HPSE2: variants seen among roughly 807,000 people sequenced by gnomAD.
The protein encoded by HPSE2 is heparanase 2 (inactive), also known as inactive heparanase-2.
In HPSE2, 38 loss-of-function variants were observed where a neutral mutation model predicts 60.5. The observed-to-expected ratio is 0.63, with a 90% CI of 0.48 to 0.82. The LOEUF is 0.82. Among genes scored for constraint, HPSE2 ranks in the 40% least tolerant of loss-of-function variants. The pLI is 0.00. For missense variants in HPSE2, 713 were observed against 740.4 expected (o/e 0.96, Z 0.43); for synonymous variants, 295 against 293.2 (o/e 1.01, Z -0.06).
intron 3 of HPSE2, among the ~76,000 whole-genome samples, chr10:98,960,725 TATTTTTTTTATTTTA>T (rs1955644919): frequency 2.2e-5 from 1 of 46,306 alleles, no homozygotes; most frequent in African/African-American, 1.0e-4. Flanking sequence ...TTTTTTGTTT[TATTTTTTTTATTTTA>T]TTTTTTTTTT....
At chr10:98,844,261 A>T (rs1162050480) in intron 3 of HPSE2, among the ~76,000 whole-genome samples, 1 of 152,192 alleles carries the variant, frequency 6.6e-6, no homozygotes, top group East Asian at 1.9e-4. Context: ...GCTTTGTCGG[A>T]AGGCATCCGT....
At chr10:99,238,988 G>A (rs374582466), upstream of HPSE2, among the ~76,000 whole-genome samples, 5 of 151,994 alleles carry the variant, frequency 3.3e-5, no homozygotes, top group East Asian at 3.9e-4. Context: ...GTGAAACCCC[G>A]TCTCTACTAA....
chr10:98,774,446 G>A (rs1950300407), intron 3 of HPSE2, among the ~76,000 whole-genome samples: 1 of 152,116 alleles, frequency 6.6e-6, no homozygotes, highest in Non-Finnish European at 1.5e-5. Context: ...TCTCTCTCTT[G>A]CTTCTTGGGA....
At chr10:99,134,301 G>A (rs1845559811) in intron 3 of HPSE2, among the ~76,000 whole-genome samples, 1 of 152,140 alleles carries the variant, frequency 6.6e-6, no homozygotes, top group Admixed American at 6.5e-5. Context: ...CACTCTTCGG[G>A]ATATTATCCA....
the HPSE2 span, among the ~76,000 whole-genome samples, chr10:99,270,238 C>T: frequency 6.6e-6 from 1 of 152,112 alleles, no homozygotes; most frequent in East Asian, 1.9e-4. Flanking sequence ...GCAAGGTTAA[C>T]CAAGACAAGA....
At chr10:98,666,561 A>G (rs990195135) in intron 6 of HPSE2, among the ~76,000 whole-genome samples, 1 of 152,248 alleles carries the variant, frequency 6.6e-6, no homozygotes, top group African/African-American at 2.4e-5. Context: ...AAATTTAAAA[A>G]AATCAAAATA....
chr10:99,241,559 C>G, the HPSE2 span, among the ~76,000 whole-genome samples: 1 of 152,132 alleles, frequency 6.6e-6, no homozygotes, highest in Non-Finnish European at 1.5e-5. Context: ...GAGTTTGAGA[C>G]CAACCTGAGC....
chr10:98,490,050 C>G lies in HPSE2; in HGVS notation c.1466+1G>C, dbSNP rs771817302. 4 of 1,614,028 alleles carry G rather than the reference C, an allele frequency of 2.5e-6. No homozygotes were observed. The highest frequency in any genetic ancestry group is 1.7e-5 in the Admixed American group (1 of 60,010). On this transcript the variant is annotated splice_donor_variant, in intron 10 of 11. Transcript: ENST00000370552. LOFTEE classifies it high-confidence loss of function. Reference sequence around the variant, plus strand: ...TTTCTGCCATCTTTCTGAGGACTTACTTGTGGTGGTTTGTGCAGTGAGCAT... The same window carrying G: ...TTTCTGCCATCTTTCTGAGGACTTAGTTGTGGTGGTTTGTGCAGTGAGCAT...
chr10:98,825,307 A>C (rs2134630136), intron 3 of HPSE2, among the ~76,000 whole-genome samples: 1 of 150,598 alleles, frequency 6.6e-6, no homozygotes, highest in East Asian at 2.0e-4. Flanking sequence ...GTGTAGAGCC[A>C]AAATGTGATA....
chr10:99,055,462 C>T (rs762377868), intron 3 of HPSE2, among the ~76,000 whole-genome samples: 4 of 152,050 alleles, frequency 2.6e-5, no homozygotes, highest in Non-Finnish European at 4.4e-5. Context: ...AATATAAAAG[C>T]CTCACGGATA....
At chr10:98,674,851 A>G (rs944003286) in intron 6 of HPSE2, among the ~76,000 whole-genome samples, 1 of 152,042 alleles carries the variant, frequency 6.6e-6, no homozygotes, top group African/African-American at 2.4e-5. Context: ...GAACCTGGGA[A>G]GTGGAGGCTG....
chr10:99,051,802 C>T (rs1957997482), intron 3 of HPSE2, among the ~76,000 whole-genome samples: 1 of 151,848 alleles, frequency 6.6e-6, no homozygotes, highest in Non-Finnish European at 1.5e-5. Context: ...AGTAGTAATG[C>T]CATAGGAGTA....
chr10:98,895,052 G>T (rs1953444928), intron 3 of HPSE2, among the ~76,000 whole-genome samples: 1 of 151,952 alleles, frequency 6.6e-6, no homozygotes, highest in Non-Finnish European at 1.5e-5. Context: ...TCAAAAATGA[G>T]AGTGAAACAA....
intron 4 of HPSE2, among the ~76,000 whole-genome samples, chr10:98,742,764 A>T (rs563211770): frequency 7.3e-6 from 1 of 137,096 alleles, no homozygotes; most frequent in Non-Finnish European, 1.5e-5. Context: ...ATGATAACTT[A>T]TGTTACACAT....
intron 3 of HPSE2, among the ~76,000 whole-genome samples, chr10:98,962,969 T>G (rs531000795): frequency 6.6e-6 from 1 of 152,308 alleles, no homozygotes; most frequent in East Asian, 1.9e-4. Context: ...TTTTTAAGGA[T>G]CTGTCTTGTG....
intron 2 of HPSE2, among the ~76,000 whole-genome samples, chr10:99,178,745 G>A (rs976797750): frequency 3.3e-5 from 5 of 152,110 alleles, no homozygotes; most frequent in Non-Finnish European, 7.4e-5. Context: ...CAGAAAAAGA[G>A]GGAATCCTCC....
rs1177005744 is a variant in HPSE2, at chr10:98,939,827, T to G, written c.611-195771A>C. On this transcript the variant is annotated intron_variant, in intron 3 of 11. Coordinates refer to ENST00000370552, the MANE Select transcript of HPSE2 (RefSeq NM_021828.5). The stretch of plus-strand genomic sequence containing the variant: ...CCTATTCCAAAATTGACCACATAGG[T>G]GGAAGTAAAGCTCTCCTCAGCAAAT... Among the ~76,000 whole-genome samples, 10 of 143,550 alleles carry G rather than the reference T, an allele frequency of 7.0e-5. 1 individual carries two copies. Among genetic ancestry groups the G allele is most frequent in the Non-Finnish European group, 1.2e-4 (8 of 67,134 alleles). The allele number at this position is 143,550 out of a possible 152,430, so 94.2% of individuals were successfully genotyped here.
At chr10:98,595,571 A>T (rs1229928071) in intron 9 of HPSE2, among the ~76,000 whole-genome samples, 1 of 152,184 alleles carries the variant, frequency 6.6e-6, no homozygotes, top group Non-Finnish European at 1.5e-5. Flanking sequence ...AATTTTACTG[A>T]ATCAATTTAT....
intron 9 of HPSE2, among the ~76,000 whole-genome samples, chr10:98,508,878 T>C (rs1297599365): frequency 1.3e-5 from 2 of 152,186 alleles, no homozygotes; most frequent in African/African-American, 4.8e-5. Context: ...GGGCAGATCA[T>C]AGAGACCTAA....
Sources: allele counts gnomAD v4.1 joint callset (sites outside exome capture counted in the v4.1 genomes callset), GRCh38; gene constraint gnomAD v4.1.1; transcripts MANE v1.5; gene names NCBI Gene and HGNC (gene_info 2026-07-23, HGNC 2026-07-21).